KDM2A: variants seen among roughly 807,000 people sequenced by gnomAD.
The protein encoded by KDM2A is lysine-specific demethylase 2A.
Under a neutral mutation model 137.3 loss-of-function variants are expected in KDM2A, and 3 were observed. That is an observed-to-expected ratio of 0.02 (90% CI 0.01 to 0.06). The LOEUF (loss-of-function observed/expected upper bound fraction) is 0.06. Among genes scored for constraint, KDM2A ranks in the 10% least tolerant of loss-of-function variants. The pLI is 1.00. For missense variants in KDM2A, 738 were observed against 1,510.6 expected (o/e 0.49, Z 8.48); for synonymous variants, 512 against 541.5 (o/e 0.95, Z 0.76).
intron 2 of KDM2A, among the ~76,000 whole-genome samples, chr11:67,169,759 C>CTCTCTCT (rs756503460): frequency 0.13 from 8,304 of 65,716 alleles, 630 homozygotes; most frequent in Middle Eastern, 0.19. Flanking sequence ...CTCTCTCTCT[C>CTCTCTCT]TTTTTTTTTT....
At chr11:67,173,311 G>A (rs140957364) in intron 2 of KDM2A, among the ~76,000 whole-genome samples, 193 of 152,294 alleles carry the variant, frequency 1.3e-3, no homozygotes, top group African/African-American at 4.2e-3. Flanking sequence ...TAGTAGAGAC[G>A]GGGTTTCTCC....
intron 6 of KDM2A, among the ~76,000 whole-genome samples, chr11:67,212,024 A>C (rs1858009945): frequency 6.6e-6 from 1 of 152,166 alleles, no homozygotes; most frequent in Non-Finnish European, 1.5e-5. Flanking sequence ...AGCCAGGCAA[A>C]GTAGCACATG....
At chr11:67,146,002 T>G (rs1189338746) in intron 2 of KDM2A, among the ~76,000 whole-genome samples, 1 of 151,266 alleles carries the variant, frequency 6.6e-6, no homozygotes, top group Non-Finnish European at 1.5e-5. Flanking sequence ...TTTTTTGTTT[T>G]TTTTTTTTGA....
intron 2 of KDM2A, among the ~76,000 whole-genome samples, chr11:67,152,434 A>G (rs1350473614): frequency 6.6e-6 from 1 of 151,840 alleles, no homozygotes. Flanking sequence ...AAGAGACCTC[A>G]TCTCTACAAA....
chr11:67,179,935 G>A, intron 2 of KDM2A, 144 bp from the exon 3 acceptor site: 1 of 727,248 alleles, frequency 1.4e-6, no homozygotes, highest in Non-Finnish European at 2.2e-6. Flanking sequence ...CAGCTATCTT[G>A]AGAGAAAGAA....
At chr11:67,211,322 A>G (rs1034052849) in intron 6 of KDM2A, among the ~76,000 whole-genome samples, 46 of 152,128 alleles carry the variant, frequency 3.0e-4, no homozygotes, top group Non-Finnish European at 4.1e-4. Flanking sequence ...TAGTCAAAAT[A>G]TAGAAAATAA....
chr11:67,210,800 T>A (rs1482842310), intron 6 of KDM2A, among the ~76,000 whole-genome samples: 2 of 152,186 alleles, frequency 1.3e-5, no homozygotes, highest in African/African-American at 2.4e-5. Flanking sequence ...TAGTCACACA[T>A]TTCAAAATCT....
chr11:67,242,296 G>A (rs1223196443), intron 12 of KDM2A, among the ~76,000 whole-genome samples: 3 of 151,984 alleles, frequency 2.0e-5, no homozygotes, highest in Non-Finnish European at 1.5e-5. Context: ...GTGTGTGTGT[G>A]TGTGTGTGAG....
intron 12 of KDM2A, 101 bp from the exon 13 acceptor site, chr11:67,242,908 G>GCT: frequency 1.3e-6 from 1 of 799,860 alleles, no homozygotes; most frequent in South Asian, 1.5e-5. Flanking sequence ...TGCCTCCCTT[G>GCT]CTACTCAAGG....
chr11:67,234,334 C>T lies in KDM2A; in HGVS notation c.1479+2374C>T, dbSNP rs541264791. On this transcript the variant is annotated intron_variant, in intron 12 of 20. Coordinates refer to ENST00000529006, the MANE Select transcript of KDM2A (RefSeq NM_012308.3). The stretch of plus-strand genomic sequence containing the variant: ...ACTTCAGTGGGGGACAAAGCTAGTA[C>T]AGTTTACCCTTCCTGCAGAGAAAGG... Among the ~76,000 whole-genome samples the T allele has an allele frequency of 9.8e-5, 15 of 152,304 alleles. No individual in the cohort carries two copies. In the South Asian group the frequency reaches 2.9e-3, roughly 29 times the overall value.
chr11:67,127,435 G>A (rs1855755613), intron 2 of KDM2A, among the ~76,000 whole-genome samples: 1 of 151,472 alleles, frequency 6.6e-6, no homozygotes, highest in African/African-American at 2.4e-5. Context: ...TGTCAATCTT[G>A]ATGAAATTGA....
intron 2 of KDM2A, among the ~76,000 whole-genome samples, chr11:67,149,453 G>T (rs999253866): frequency 6.6e-6 from 1 of 151,946 alleles, no homozygotes; most frequent in African/African-American, 2.4e-5. Flanking sequence ...CCAGTTTTAC[G>T]CCTTTTAAAT....
intron 2 of KDM2A, among the ~76,000 whole-genome samples, chr11:67,143,677 G>C (rs1160789756): frequency 1.3e-5 from 2 of 151,752 alleles, no homozygotes; most frequent in Admixed American, 6.6e-5. Context: ...CCATCTCCCA[G>C]GCTGGAGTGC....
intron 2 of KDM2A, among the ~76,000 whole-genome samples, chr11:67,122,312 A>G (rs1030263026): frequency 5.9e-5 from 9 of 152,156 alleles, no homozygotes; most frequent in Non-Finnish European, 4.4e-5. Context: ...CTTTTTGAGA[A>G]GAGACTTCTT....
chr11:67,248,413 C>A, intron 16 of KDM2A, 43 bp downstream of exon 16: 2 of 1,369,242 alleles, frequency 1.5e-6, no homozygotes, highest in Non-Finnish European at 2.0e-6. Flanking sequence ...AGAAAGGAGG[C>A]ATCAAATGTG....
intron 3 of KDM2A, chr11:67,180,418 G>T: frequency 4.5e-6 from 2 of 442,618 alleles, no homozygotes; most frequent in Non-Finnish European, 7.8e-6. Flanking sequence ...TATATTAGAA[G>T]TAATCTTTTT....
chr11:67,168,234 G>A (rs932244866), intron 2 of KDM2A, among the ~76,000 whole-genome samples: 1 of 151,954 alleles, frequency 6.6e-6, no homozygotes, highest in African/African-American at 2.4e-5. Flanking sequence ...CTGTATCTAT[G>A]GTCTTTGGAA....
chr11:67,164,737 C>G (rs1045773455), intron 2 of KDM2A, among the ~76,000 whole-genome samples: 12 of 151,936 alleles, frequency 7.9e-5, no homozygotes, highest in Non-Finnish European at 1.5e-4. Flanking sequence ...TCTTCTGCCT[C>G]AGCCTCTTGA....
At position 67,253,535 on chromosome 11, in the gene KDM2A, C is replaced by G. The variant is rs370550288; in HGVS notation, c.3015C>G (p.Thr1005=). ...CCTCCAGCTGCCCCCTTCTCAGGAC[C>G]CTTGATCTTCGGTGGGCAGTAGGAA... ...LSTSSCPLLR[T]LDLRWAVGIK... Residue 1005 remains threonine (T), a synonymous_variant, in exon 19 of 21, where the codon ACC becomes ACG. Coordinates refer to ENST00000529006, the MANE Select transcript of KDM2A (RefSeq NM_012308.3). 13 of 1,613,964 alleles carry G rather than the reference C, an allele frequency of 8.1e-6. No individual in the cohort carries two copies. Among genetic ancestry groups the G allele is most frequent in the Non-Finnish European group, 1.0e-5 (12 of 1,179,872 alleles).
Sources: allele counts gnomAD v4.1 joint callset (sites outside exome capture counted in the v4.1 genomes callset), GRCh38; gene constraint gnomAD v4.1.1; transcripts MANE v1.5; gene names NCBI Gene and HGNC (gene_info 2026-07-23, HGNC 2026-07-21).